The following SLC2A9 variants were observed in gnomAD, a reference collection of about 807,000 sequenced individuals.
SLC2A9 encodes solute carrier family 2, facilitated glucose transporter member 9.
A neutral mutation model predicts 50.6 loss-of-function variants in SLC2A9; 39 were observed. That is an observed-to-expected ratio of 0.77 (90% CI 0.60 to 1.01). The LOEUF (loss-of-function observed/expected upper bound fraction) is 1.01. Among genes scored for constraint, SLC2A9 ranks in the 50% least tolerant of loss-of-function variants. The probability of loss-of-function intolerance (pLI) is 0.00; values close to 1 mark genes in which losing one functional copy is unlikely to be tolerated. For synonymous variants in SLC2A9, 324 were observed against 276.9 expected (o/e 1.17, Z -1.69); for missense variants, 686 against 677.6 (o/e 1.01, Z -0.14).
intron 3 of SLC2A9, chr4:9,782,769 G>C: frequency 6.2e-7 from 1 of 1,613,986 alleles, no homozygotes; most frequent in Non-Finnish European, 8.5e-7. Context: ...ACCTACACGC[G>C]CATCTACCGC....
intron 1 of SLC2A9, among the ~76,000 whole-genome samples, chr4:10,032,208 T>G (rs1763959663): frequency 1.3e-5 from 2 of 152,014 alleles, no homozygotes; most frequent in African/African-American, 4.8e-5. Context: ...GAAAGCAGTG[T>G]AAGGTGATGA....
At chr4:9,870,682 G>T (rs187375308) in intron 10 of SLC2A9, among the ~76,000 whole-genome samples, 5 of 152,180 alleles carry the variant, frequency 3.3e-5, no homozygotes, top group Admixed American at 3.3e-4. Context: ...TACTAAAACC[G>T]AACATGTGAA....
chr4:9,810,891 G>A lies in SLC2A9; in HGVS notation n.421-11650C>T, dbSNP rs571437850. On this transcript the variant is annotated intron_variant and non_coding_transcript_variant, in intron 3 of 3. Transcript: ENST00000503280. ...TGAACTTTATCTTTAGGCTCTCACC[G>A]CTGATCATCATCCCCTTATGATGAA... Among the ~76,000 whole-genome samples, 5 of 152,180 alleles carry A rather than the reference G, an allele frequency of 3.3e-5. No homozygotes were observed. In the East Asian group the frequency reaches 5.8e-4, roughly 18 times the overall value.
At chr4:9,773,892 G>A (rs1315129834) in intron 1 of SLC2A9, among the ~76,000 whole-genome samples, 3 of 152,128 alleles carry the variant, frequency 2.0e-5, no homozygotes, top group African/African-American at 4.8e-5. Context: ...AAGACTGAAG[G>A]CTGTGGAGAC....
At chr4:9,803,854 C>T (rs1721785061) in intron 3 of SLC2A9, among the ~76,000 whole-genome samples, 1 of 152,146 alleles carries the variant, frequency 6.6e-6, no homozygotes, top group Non-Finnish European at 1.5e-5. Context: ...TATTAAATAC[C>T]TCCTATGTGC....
chr4:9,774,366 A>ATTTT (rs1717247329), intron 1 of SLC2A9, among the ~76,000 whole-genome samples: 1 of 152,150 alleles, frequency 6.6e-6, no homozygotes, highest in African/African-American at 2.4e-5. Flanking sequence ...ATCCTTTCAC[A>ATTTT]CGTAAAGCTT....
intron 5 of SLC2A9, among the ~76,000 whole-genome samples, chr4:9,952,889 G>A (rs1750570657): frequency 6.6e-6 from 1 of 152,176 alleles, no homozygotes; most frequent in South Asian, 2.1e-4. Context: ...GAGCTGTTTT[G>A]GAAGAGATTT....
chr4:9,829,471 C>CAAAAAAAAA (rs33935471), intron 11 of SLC2A9, among the ~76,000 whole-genome samples: 1 of 135,924 alleles, frequency 7.4e-6, no homozygotes, highest in African/African-American at 2.7e-5. Flanking sequence ...ACAAAAATGT[C>CAAAAAAAAA]AAAAAAAAAA....
chr4:9,950,902 AAAAAAAAAAAAAAAAAAG>A, intron 5 of SLC2A9, among the ~76,000 whole-genome samples: 1 of 139,260 alleles, frequency 7.2e-6, no homozygotes, highest in Non-Finnish European at 1.5e-5. Flanking sequence ...CAAAAAAAAA[AAAAAAAAAAAAAAAAAAG>A]AAAACAGTAT....
intron 1 of SLC2A9, among the ~76,000 whole-genome samples, chr4:9,772,514 G>T (rs62293224): frequency 1.3e-5 from 2 of 152,078 alleles, no homozygotes; most frequent in Non-Finnish European, 2.9e-5. Context: ...TTGGGTGGCC[G>T]CATTGACCCC....
intron 6 of SLC2A9, among the ~76,000 whole-genome samples, chr4:9,938,767 T>G (rs565379412): frequency 3.3e-5 from 5 of 152,216 alleles, no homozygotes; most frequent in Non-Finnish European, 5.9e-5. Context: ...GTCATTTCCT[T>G]GTCTGCAAAG....
At chr4:9,916,107 C>G (rs577609206) in intron 7 of SLC2A9, among the ~76,000 whole-genome samples, 3 of 152,158 alleles carry the variant, frequency 2.0e-5, no homozygotes, top group Non-Finnish European at 4.4e-5. Flanking sequence ...TTAGAGAAAG[C>G]GTAAGAAATC....
intron 6 of SLC2A9, among the ~76,000 whole-genome samples, chr4:9,922,580 C>A (rs1454236705): frequency 6.6e-6 from 1 of 152,154 alleles, no homozygotes; most frequent in Admixed American, 6.5e-5. Flanking sequence ...TGACCCCCAG[C>A]CTATGAATGA....
intron 5 of SLC2A9, among the ~76,000 whole-genome samples, chr4:9,976,411 T>G (rs1002551634): frequency 2.0e-5 from 3 of 152,156 alleles, no homozygotes; most frequent in Admixed American, 6.5e-5. Context: ...GAAATATGAT[T>G]AAAATAGTGA....
chr4:9,771,372 G>T, intron 1 of SLC2A9: 1 of 396,452 alleles, frequency 2.5e-6, no homozygotes, highest in Non-Finnish European at 4.5e-6. Context: ...TGAGGTCACT[G>T]CAGAAGGAGA....
intron 1 of SLC2A9, among the ~76,000 whole-genome samples, chr4:10,031,470 G>T (rs1248184507): frequency 1.3e-5 from 2 of 152,338 alleles, no homozygotes; most frequent in East Asian, 3.9e-4. Context: ...GAGATGCATT[G>T]TGTGTTCTCC....
At position 9,853,106 on chromosome 4, in the gene SLC2A9, G is replaced by A. The variant is rs554865969; in HGVS notation, c.1292-18098C>T. Among the ~76,000 whole-genome samples the A allele has an allele frequency of 8.6e-5, 13 of 151,048 alleles. No individual in the cohort carries two copies. In the South Asian group the frequency reaches 2.7e-3, roughly 32 times the overall value. ...CAGGAGAATCACTTGAACCTGGGAGGCAGAGATTGCAGTGAGCCGAGATTG... is the reference window on the plus strand; with the variant it reads ...CAGGAGAATCACTTGAACCTGGGAGACAGAGATTGCAGTGAGCCGAGATTG... On this transcript the variant is annotated intron_variant, in intron 10 of 11. Coordinates refer to ENST00000264784, the MANE Select transcript of SLC2A9 (RefSeq NM_020041.3).
chr4:9,837,743 G>A (rs771027273), intron 10 of SLC2A9, among the ~76,000 whole-genome samples: 1 of 152,174 alleles, frequency 6.6e-6, no homozygotes, highest in Admixed American at 6.5e-5. Flanking sequence ...GGAATTCATG[G>A]TACATTGATA....
At chr4:9,852,468 G>C (rs1730121972) in intron 10 of SLC2A9, among the ~76,000 whole-genome samples, 1 of 151,772 alleles carries the variant, frequency 6.6e-6, no homozygotes, top group African/African-American at 2.4e-5. Context: ...TAGCCAGGAT[G>C]GTCTCGATCT....
Sources: allele counts gnomAD v4.1 joint callset (sites outside exome capture counted in the v4.1 genomes callset), GRCh38; gene constraint gnomAD v4.1.1; transcripts MANE v1.5; gene names NCBI Gene and HGNC (gene_info 2026-07-23, HGNC 2026-07-21).